The following DCC variants were observed in gnomAD, a reference collection of about 807,000 sequenced individuals.
The protein encoded by DCC is DCC netrin 1 receptor.
DCC carries 58 observed loss-of-function variants against 172.5 expected under a neutral mutation model. That is an observed-to-expected ratio of 0.34 (90% confidence interval 0.27 to 0.42). DCC has a LOEUF of 0.42. DCC is among the 10% of genes least tolerant of loss of function. DCC has a pLI of 1.00. For synonymous variants in DCC, 709 were observed against 644.5 expected, an observed-to-expected ratio of 1.10 and a Z score of -1.52; for missense variants, 1,740 against 1,791.0, an observed-to-expected ratio of 0.97 and a Z score of 0.51.
chr18:53,280,705 A>G (rs939378814), intron 12 of DCC, among the ~76,000 whole-genome samples: 1 of 152,010 alleles, frequency 6.6e-6, no homozygotes, highest in African/African-American at 2.4e-5. Context: ...GCAGCCTGAC[A>G]ATTTTGGTTC....
intron 12 of DCC, among the ~76,000 whole-genome samples, chr18:53,234,738 G>T (rs1026741176): frequency 6.6e-6 from 1 of 152,102 alleles, no homozygotes; most frequent in African/African-American, 2.4e-5. Context: ...GCTTACTCTG[G>T]ATTATATCAA....
chr18:53,377,045 C>T (rs1023859356), intron 15 of DCC, among the ~76,000 whole-genome samples: 2 of 152,130 alleles, frequency 1.3e-5, no homozygotes, highest in Non-Finnish European at 2.9e-5. Context: ...GAATCAATTT[C>T]CCTAAAAGTG....
At chr18:53,146,074 A>G (rs1161684290) in intron 7 of DCC, among the ~76,000 whole-genome samples, 5 of 152,100 alleles carry the variant, frequency 3.3e-5, no homozygotes, top group African/African-American at 1.2e-4. Flanking sequence ...TCTACTAAAA[A>G]TGCAAAAATT....
intron 15 of DCC, among the ~76,000 whole-genome samples, chr18:53,361,315 A>T (rs72927260): frequency 0.13 from 20,184 of 152,142 alleles, 1,482 homozygotes; most frequent in East Asian, 0.21. Flanking sequence ...GCAGCTCTAG[A>T]AAATCAATAC....
At chr18:53,220,406 C>T (rs2055914451) in intron 12 of DCC, among the ~76,000 whole-genome samples, 1 of 152,024 alleles carries the variant, frequency 6.6e-6, no homozygotes, top group African/African-American at 2.4e-5. Context: ...AGTCATAGGC[C>T]TCAGGCAGCC....
intron 2 of DCC, among the ~76,000 whole-genome samples, chr18:52,789,658 G>A (rs1197807487): frequency 2.0e-5 from 3 of 152,116 alleles, no homozygotes; most frequent in Non-Finnish European, 4.4e-5. Flanking sequence ...AGTGTACAAG[G>A]TATTTTCAAA....
chr18:52,426,860 T>TTTAA (rs1987446001), intron 1 of DCC, among the ~76,000 whole-genome samples: 1 of 152,096 alleles, frequency 6.6e-6, no homozygotes, highest in African/African-American at 2.4e-5. Context: ...TAACAAAAAA[T>TTTAA]CCATTTTGGT....
rs141979161 is a variant in DCC, at chr18:52,916,178, G to T, written c.698-7529G>T. Among the ~76,000 whole-genome samples, 352 of 149,756 alleles carry T rather than the reference G, an allele frequency of 2.4e-3. 1 individual carries two copies. The highest frequency in any genetic ancestry group is 7.9e-3 in the African/African-American group (323 of 40,820). ...GGTTTTGCATGGTAAACACTTCTGA[G>T]GTCATTTGTGTTTCAAGCTGAATTA... On this transcript the variant is annotated intron_variant, in intron 3 of 28. Transcript: ENST00000442544.
intron 2 of DCC, among the ~76,000 whole-genome samples, chr18:52,765,561 T>C (rs1332405331): frequency 1.3e-5 from 2 of 152,174 alleles, no homozygotes; most frequent in Non-Finnish European, 2.9e-5. Flanking sequence ...AGAGGCTCCA[T>C]CTTCTTTGTG....
At chr18:52,363,728 A>G (rs561339362) in intron 1 of DCC, among the ~76,000 whole-genome samples, 2 of 152,358 alleles carry the variant, frequency 1.3e-5, no homozygotes, top group Admixed American at 6.5e-5. Context: ...AAATTGCTGA[A>G]ATATTAGCAT....
At chr18:53,219,616 T>G (rs1182772157) in intron 12 of DCC, among the ~76,000 whole-genome samples, 1 of 152,152 alleles carries the variant, frequency 6.6e-6, no homozygotes, top group Non-Finnish European at 1.5e-5. Flanking sequence ...TGAATGTCTT[T>G]TTGTTGCATT....
chr18:52,714,283 C>A (rs1429220801), intron 1 of DCC, among the ~76,000 whole-genome samples: 2 of 152,152 alleles, frequency 1.3e-5, no homozygotes, highest in African/African-American at 4.8e-5. Flanking sequence ...ATTTTCATAG[C>A]AAATACACTT....
intron 5 of DCC, among the ~76,000 whole-genome samples, chr18:53,031,923 A>AT (rs963582277): frequency 2.6e-5 from 4 of 152,006 alleles, no homozygotes; most frequent in Admixed American, 2.6e-4. Context: ...CTGTTAATGC[A>AT]TTTTTCAAAA....
chr18:52,775,826 C>A (rs1303561739), intron 2 of DCC, among the ~76,000 whole-genome samples: 2 of 152,212 alleles, frequency 1.3e-5, no homozygotes, highest in African/African-American at 4.8e-5. Flanking sequence ...GAAAATGCAA[C>A]ATTTGGGTGT....
At chr18:53,046,512 T>C (rs1422775052) in intron 5 of DCC, among the ~76,000 whole-genome samples, 1 of 151,878 alleles carries the variant, frequency 6.6e-6, no homozygotes, top group Non-Finnish European at 1.5e-5. Flanking sequence ...TTTACTTTTT[T>C]TAGCAGCAGA....
chr18:53,311,674 T>G (rs1161342055), intron 13 of DCC, among the ~76,000 whole-genome samples: 1 of 152,230 alleles, frequency 6.6e-6, no homozygotes, highest in Non-Finnish European at 1.5e-5. Flanking sequence ...CCCATATTAT[T>G]ACTTACTGAA....
intron 27 of DCC, among the ~76,000 whole-genome samples, chr18:53,499,964 T>G (rs2046076359): frequency 6.6e-6 from 1 of 152,214 alleles, no homozygotes; most frequent in Admixed American, 6.5e-5. Context: ...TCAGGAGTTC[T>G]TATTTATTTC....
intron 22 of DCC, among the ~76,000 whole-genome samples, chr18:53,448,047 G>GTTTTT (rs35238619): frequency 3.5e-5 from 4 of 113,712 alleles, no homozygotes; most frequent in Admixed American, 9.3e-5. Context: ...ATTTTGATGA[G>GTTTTT]TTTTTTTTTT....
At chr18:52,771,373 C>T (rs1193128849) in intron 2 of DCC, among the ~76,000 whole-genome samples, 1 of 152,136 alleles carries the variant, frequency 6.6e-6, no homozygotes, top group East Asian at 1.9e-4. Context: ...TGCCTGAGCC[C>T]CTTACTAGCT....
Sources: allele counts gnomAD v4.1 joint callset (sites outside exome capture counted in the v4.1 genomes callset), GRCh38; gene constraint gnomAD v4.1.1; transcripts MANE v1.5; gene names NCBI Gene and HGNC (gene_info 2026-07-23, HGNC 2026-07-21).